Variants in MTHFS observed in about 807,000 individuals in gnomAD.
MTHFS encodes 5-formyltetrahydrofolate cyclo-ligase.
In MTHFS, 7 loss-of-function variants were observed where a neutral mutation model predicts 12.7. The ratio of observed to expected loss-of-function variants is 0.55; its 90% CI spans 0.31 to 1.03. The LOEUF is 1.03. Ranked by LOEUF, MTHFS falls within the 50% of genes least tolerant of loss-of-function variation. The pLI is 0.05. For missense variants in MTHFS, 252 were observed against 258.1 expected (o/e 0.98, Z 0.16); for synonymous variants, 100 against 97.1 (o/e 1.03, Z -0.18).
At chr15:79,894,530 T>A (rs562917722) in intron 1 of MTHFS, among the ~76,000 whole-genome samples, 4 of 152,350 alleles carry the variant, frequency 2.6e-5, no homozygotes, top group Middle Eastern at 3.4e-3. Flanking sequence ...CCTCCTTTAA[T>A]GCCAGCTCTC....
chr15:79,849,012 A>C (rs2033666508), intron 2 of MTHFS, among the ~76,000 whole-genome samples: 1 of 152,224 alleles, frequency 6.6e-6, no homozygotes, highest in African/African-American at 2.4e-5. Flanking sequence ...AAATAATAAA[A>C]ATATAACTTT....
intron 1 of MTHFS, among the ~76,000 whole-genome samples, chr15:79,891,690 G>T (rs1327819787): frequency 6.6e-6 from 1 of 152,168 alleles, no homozygotes; most frequent in Non-Finnish European, 1.5e-5. Flanking sequence ...AATCAAAGAA[G>T]ATATACTTGG....
intron 2 of MTHFS, among the ~76,000 whole-genome samples, chr15:79,882,440 G>C (rs959990614): frequency 1.3e-5 from 2 of 152,304 alleles, no homozygotes; most frequent in South Asian, 4.1e-4. Context: ...ATACCACATT[G>C]ACCCAGCAGC....
intron 2 of MTHFS, among the ~76,000 whole-genome samples, chr15:79,854,242 T>A (rs1596063286): frequency 6.6e-6 from 1 of 152,010 alleles, no homozygotes; most frequent in African/African-American, 2.4e-5. Context: ...AATAAAGAGA[T>A]GGAGATGCTT....
intron 1 of MTHFS, among the ~76,000 whole-genome samples, chr15:79,893,905 A>G (rs113081705): frequency 2.6e-5 from 4 of 152,330 alleles, no homozygotes; most frequent in African/African-American, 9.6e-5. Flanking sequence ...TTTCTAAGTT[A>G]TAAAAAGGTA....
intron 2 of MTHFS, among the ~76,000 whole-genome samples, chr15:79,847,392 A>T (rs1461461570): frequency 1.3e-5 from 2 of 152,150 alleles, no homozygotes; most frequent in Non-Finnish European, 2.9e-5. Context: ...ACTGGGCAAA[A>T]GACTTAAACA....
At chr15:79,845,609 C>T (rs996178137) in intron 2 of MTHFS, among the ~76,000 whole-genome samples, 167 bp from the exon 3 acceptor site, 12 of 152,294 alleles carry the variant, frequency 7.9e-5, no homozygotes, top group East Asian at 1.9e-4. Context: ...GGAAATAAAA[C>T]GTACTCAGCA....
intron 2 of MTHFS, among the ~76,000 whole-genome samples, chr15:79,845,906 C>A (rs1234751195): frequency 6.6e-6 from 1 of 152,116 alleles, no homozygotes; most frequent in East Asian, 1.9e-4. Flanking sequence ...TCAGGCATAC[C>A]AAGCAGTTCA....
intron 1 of MTHFS, among the ~76,000 whole-genome samples, chr15:79,893,708 A>AG (rs1433557025): frequency 1.3e-5 from 2 of 151,804 alleles, no homozygotes; most frequent in African/African-American, 4.8e-5. Flanking sequence ...AAAAAAAAAA[A>AG]AAAAAGGAAA....
intron 1 of MTHFS, among the ~76,000 whole-genome samples, chr15:79,891,011 T>C (rs935303401): frequency 2.7e-4 from 41 of 152,336 alleles, no homozygotes; most frequent in African/African-American, 8.9e-4. Context: ...CATGCATATT[T>C]ATCTTCCTTC....
chr15:79,847,596 A>G (rs2141338541), intron 2 of MTHFS, among the ~76,000 whole-genome samples: 1 of 149,456 alleles, frequency 6.7e-6, no homozygotes, highest in East Asian at 2.1e-4. Context: ...AGACAGGAGA[A>G]TGGTGTGAAC....
chr15:79,877,704 A>G (rs1050735241), intron 2 of MTHFS: 1 of 152,082 alleles, frequency 6.6e-6, no homozygotes, highest in African/African-American at 2.4e-5. Flanking sequence ...TATCTCAAAA[A>G]AAAAAGAAAA....
chr15:79,866,995 A>G (rs1297030965), intron 2 of MTHFS, among the ~76,000 whole-genome samples: 1 of 151,808 alleles, frequency 6.6e-6, no homozygotes, highest in African/African-American at 2.4e-5. Flanking sequence ...GAAAAGAAAA[A>G]AAAAAAGTAC....
intron 2 of MTHFS, among the ~76,000 whole-genome samples, chr15:79,878,364 G>A (rs1376041079): frequency 6.6e-6 from 1 of 151,606 alleles, no homozygotes; most frequent in Non-Finnish European, 1.5e-5. Context: ...TTCTAAAAGG[G>A]GATGGGCTAA....
chr15:79,858,618 T>C (rs1364195425), intron 2 of MTHFS, among the ~76,000 whole-genome samples: 1 of 152,084 alleles, frequency 6.6e-6, no homozygotes, highest in Non-Finnish European at 1.5e-5. Context: ...ATACAGAAAT[T>C]GGGAGACTGA....
chr15:79,867,386 A>AAG (rs2034030856), intron 2 of MTHFS, among the ~76,000 whole-genome samples: 1 of 151,082 alleles, frequency 6.6e-6, no homozygotes. Context: ...AAAAAAAAAA[A>AAG]GGGGGGGACA....
At chr15:79,857,797 A>C (rs1596065188) in intron 2 of MTHFS, among the ~76,000 whole-genome samples, 2 of 152,030 alleles carry the variant, frequency 1.3e-5, no homozygotes, top group East Asian at 3.9e-4. Flanking sequence ...AAGACAGATC[A>C]CGAGGTCAGG....
chr15:79,870,173 C>A (rs1208965035), intron 2 of MTHFS, among the ~76,000 whole-genome samples: 2 of 152,158 alleles, frequency 1.3e-5, no homozygotes, highest in Admixed American at 1.3e-4. Context: ...TGACATCAGA[C>A]CTCACCTACA....
intron 1 of MTHFS, among the ~76,000 whole-genome samples, chr15:79,895,600 A>G: frequency 6.6e-6 from 1 of 152,240 alleles, no homozygotes. Context: ...TATATCCTTT[A>G]CATCTACTAA....
Sources: gnomAD v4.1 joint callset for allele counts (sites outside exome capture counted in the v4.1 genomes callset) on GRCh38, gnomAD v4.1.1 for gene constraint, MANE v1.5 for transcripts, NCBI Gene and HGNC (gene_info 2026-07-23, HGNC 2026-07-21) for gene names.